GORASP2: variants seen among roughly 807,000 people sequenced by gnomAD.
The protein encoded by GORASP2 is golgi reassembly stacking protein 2.
In GORASP2, 22 loss-of-function variants were observed where a neutral mutation model predicts 45.7. That is an observed-to-expected ratio of 0.48 (90% CI 0.34 to 0.69). The LOEUF (loss-of-function observed/expected upper bound fraction) is 0.69, where lower values mean the gene tolerates loss of function less well. GORASP2 is among the 30% of genes least tolerant of loss of function. GORASP2 has a pLI of 0.01. For synonymous variants in GORASP2, 221 were observed against 215.6 expected (o/e 1.02, Z -0.22); for missense variants, 491 against 562.7 (o/e 0.87, Z 1.29).
chr2:170,944,389 G>A (rs1448672385), intron 1 of GORASP2, among the ~76,000 whole-genome samples: 1 of 152,134 alleles, frequency 6.6e-6, no homozygotes, highest in African/African-American at 2.4e-5. Context: ...ATGTAATTGT[G>A]CAGATACTAA....
At chr2:170,959,920 C>A (rs991129029) in intron 7 of GORASP2, among the ~76,000 whole-genome samples, 8 of 145,904 alleles carry the variant, frequency 5.5e-5, no homozygotes, top group African/African-American at 2.0e-4. Flanking sequence ...CTCCTGGGTT[C>A]AAGTGATTCT....
At chr2:170,951,649 T>C in intron 5 of GORASP2, 191 bp downstream of exon 5, 1 of 421,028 alleles carries the variant, frequency 2.4e-6, no homozygotes, top group East Asian at 4.0e-5. Flanking sequence ...ACATAGTATA[T>C]ATACTATAGT....
chr2:170,952,899 C>G (rs956737971), intron 5 of GORASP2, among the ~76,000 whole-genome samples: 5 of 152,206 alleles, frequency 3.3e-5, no homozygotes, highest in African/African-American at 1.2e-4. Flanking sequence ...TAGTCTTGAA[C>G]TCTTCGCTTC....
chr2:170,944,696 A>C (rs1203565817), intron 1 of GORASP2, among the ~76,000 whole-genome samples: 1 of 152,194 alleles, frequency 6.6e-6, no homozygotes, highest in Non-Finnish European at 1.5e-5. Context: ...TACATGAGTG[A>C]TTACCTTATA....
chr2:170,929,945 G>A, intron 1 of GORASP2: 1 of 358,754 alleles, frequency 2.8e-6, no homozygotes, highest in Non-Finnish European at 5.9e-6. Context: ...CCTGGAAGTA[G>A]GTTCGACGGA....
At chr2:170,929,245 C>T, upstream of GORASP2, 2 of 983,466 alleles carry the variant, frequency 2.0e-6, no homozygotes, top group Non-Finnish European at 2.7e-6. Context: ...CAGCGAGTGC[C>T]ACGTCCCAAG....
intron 1 of GORASP2, among the ~76,000 whole-genome samples, chr2:170,943,138 G>A (rs189573210): frequency 6.6e-5 from 10 of 152,224 alleles, no homozygotes; most frequent in Non-Finnish European, 8.8e-5. Context: ...AAACTTGAAG[G>A]TCTCAAAGAT....
At chr2:170,953,366 T>G (rs1407964091) in intron 5 of GORASP2, among the ~76,000 whole-genome samples, 1 of 151,688 alleles carries the variant, frequency 6.6e-6, no homozygotes, top group Non-Finnish European at 1.5e-5. Flanking sequence ...AATAAATAAA[T>G]AAATAAATAA....
intron 7 of GORASP2, among the ~76,000 whole-genome samples, chr2:170,956,940 T>A (rs1575478081): frequency 6.6e-6 from 1 of 152,116 alleles, no homozygotes. Context: ...TTTAAAAAAA[T>A]TTTTAAAAAA....
chr2:170,962,543 T>G (rs944972639), intron 8 of GORASP2, among the ~76,000 whole-genome samples: 1 of 152,234 alleles, frequency 6.6e-6, no homozygotes, highest in African/African-American at 2.4e-5. Flanking sequence ...ATCAGCCTTT[T>G]CTCCAAGGCG....
intron 7 of GORASP2, among the ~76,000 whole-genome samples, chr2:170,958,104 A>G (rs1399525789): frequency 6.6e-6 from 1 of 152,224 alleles, no homozygotes; most frequent in African/African-American, 2.4e-5. Flanking sequence ...TTGGTCTCCT[A>G]GGTTCTCATC....
intron 1 of GORASP2, among the ~76,000 whole-genome samples, chr2:170,942,359 T>A (rs1310628940): frequency 6.6e-6 from 1 of 152,142 alleles, no homozygotes; most frequent in Admixed American, 6.6e-5. Context: ...AAGAAACCCA[T>A]ATGTATTAGT....
chr2:170,942,429 C>G (rs1033101602), intron 1 of GORASP2, among the ~76,000 whole-genome samples: 4 of 152,156 alleles, frequency 2.6e-5, no homozygotes, highest in African/African-American at 7.2e-5. Flanking sequence ...CTTTCTGTCT[C>G]TATGGATTTG....
intron 1 of GORASP2, among the ~76,000 whole-genome samples, chr2:170,933,628 TA>T (rs1703877910): frequency 6.6e-6 from 1 of 152,214 alleles, no homozygotes; most frequent in Non-Finnish European, 1.5e-5. Flanking sequence ...TTCACAAAAT[TA>T]AATTTTTGGA....
chr2:170,947,844 G>A (rs899343670), intron 1 of GORASP2, among the ~76,000 whole-genome samples: 1 of 152,148 alleles, frequency 6.6e-6, no homozygotes, highest in African/African-American at 2.4e-5. Flanking sequence ...AACTAGGCCC[G>A]GTGCAGTGGC....
chr2:170,929,387 G>A lies in GORASP2; in HGVS notation c.47G>A (p.Gly16Asp), dbSNP rs1703757653. The change falls in exon 1 of 10, where the codon GGC becomes GAC. Residue 16 changes from glycine to aspartate, a missense_variant. Coordinates refer to ENST00000234160, the MANE Select transcript of GORASP2 (RefSeq NM_015530.5). ...GAGATCCCGGGCGGGGGCACCGAGG[G>A]CTACCACGTTCTGCGGGTAAGGGCT... is the stretch of plus-strand genomic sequence containing the variant. ...SVEIPGGGTE[G>D]YHVLRVQENS... 2 of 1,420,114 alleles carry A rather than the reference G, an allele frequency of 1.4e-6. No individual in the cohort carries two copies. The highest frequency in any genetic ancestry group is 1.8e-6 in the Non-Finnish European group (2 of 1,085,442). The allele number at this position is 1,420,114 out of a possible 1,614,324, so 88.0% of individuals were successfully genotyped here.
chr2:170,951,509 A>C (rs1176450153), intron 5 of GORASP2, 51 bp downstream of exon 5: 2 of 1,370,842 alleles, frequency 1.5e-6, no homozygotes, highest in Non-Finnish European at 2.0e-6. Context: ...TACCAGTCAG[A>C]TATGTTGCAG....
chr2:170,957,598 G>A (rs367612395), intron 7 of GORASP2, among the ~76,000 whole-genome samples: 1 of 152,066 alleles, frequency 6.6e-6, no homozygotes, highest in Non-Finnish European at 1.5e-5. Context: ...TTCATCCCTT[G>A]TTCTACCTGA....
chr2:170,954,322 T>G, intron 5 of GORASP2: 1 of 195,404 alleles, frequency 5.1e-6, no homozygotes. Flanking sequence ...GACCTTAACA[T>G]TTTGTTGGGG....
Sources: allele counts gnomAD v4.1 joint callset (sites outside exome capture counted in the v4.1 genomes callset), GRCh38; gene constraint gnomAD v4.1.1; transcripts MANE v1.5; gene names NCBI Gene and HGNC (gene_info 2026-07-23, HGNC 2026-07-21).